The following MTDH variants were observed in gnomAD, a reference collection of about 807,000 sequenced individuals.
MTDH encodes metadherin.
A neutral mutation model predicts 72.7 loss-of-function variants in MTDH; 34 were observed. The ratio of observed to expected loss-of-function variants is 0.47; its 90% CI spans 0.36 to 0.62. The LOEUF (loss-of-function observed/expected upper bound fraction) is 0.62. MTDH is among the 20% of genes least tolerant of loss of function. The pLI is 0.00. For synonymous variants in MTDH, 266 were observed against 268.9 expected (o/e 0.99, Z 0.10); for missense variants, 677 against 699.4 (o/e 0.97, Z 0.36).
chr8:97,687,724 T>C (rs569322212), intron 4 of MTDH, 119 bp downstream of exon 4: 42 of 842,640 alleles, frequency 5.0e-5, no homozygotes, highest in East Asian at 3.7e-4. Flanking sequence ...TGTGCTGATA[T>C]ACCCTTCTTC....
In MTDH at chr8:97,705,296, C is replaced by CA. The variant is rs55913758; in HGVS notation, c.1148-1320dup. ...TGGGTGACAGAGTGAGACTCCATCT[C>CA]AAAAAAAAAAGAGAATTGAGCATTG... is the stretch of plus-strand genomic sequence containing the variant. On this transcript the variant is annotated intron_variant, in intron 7 of 11. Transcript: ENST00000336273. 6.9e-4 allele frequency among the ~76,000 whole-genome samples: 95 copies of CA among 136,784 alleles called. 1 individual carries two copies. The highest frequency in any genetic ancestry group is 8.3e-4 in the Admixed American group (11 of 13,276). 89.7% of individuals were successfully genotyped at this position (136,784 alleles called of 152,430 possible).
At chr8:97,707,515 G>A (rs994860593) in intron 8 of MTDH, among the ~76,000 whole-genome samples, 1 of 129,116 alleles carries the variant, frequency 7.7e-6, no homozygotes, top group East Asian at 2.3e-4. Context: ...TGACCCTCCT[G>A]CCTCAGCCTC....
At chr8:97,667,261 CA>C (rs1812431539) in intron 2 of MTDH, among the ~76,000 whole-genome samples, 1 of 152,134 alleles carries the variant, frequency 6.6e-6, no homozygotes, top group Non-Finnish European at 1.5e-5. Context: ...GCTGGGATCA[CA>C]GGCATCTCAT....
intron 2 of MTDH, among the ~76,000 whole-genome samples, chr8:97,678,714 C>A (rs1812954655): frequency 6.7e-6 from 1 of 148,302 alleles, no homozygotes; most frequent in Non-Finnish European, 1.5e-5. Flanking sequence ...TTCGGGATTA[C>A]AGGCATGAGC....
At chr8:97,692,405 C>T (rs1813646460) in intron 6 of MTDH, among the ~76,000 whole-genome samples, 2 of 152,018 alleles carry the variant, frequency 1.3e-5, no homozygotes, top group South Asian at 4.1e-4. Flanking sequence ...GAGTCTCACT[C>T]TGTCGCTGTC....
At position 97,679,194 on chromosome 8, in the gene MTDH, G is replaced by T. The variant is rs138025599; in HGVS notation, c.484-7474G>T. 7.7e-3 allele frequency among the ~76,000 whole-genome samples: 1,171 copies of T among 152,118 alleles called. 15 individuals carry two copies. The highest frequency in any genetic ancestry group is 0.026 in the African/African-American group (1,095 of 41,492). Reference sequence around the variant, plus strand: ...ATGGATAGAATAGCATTTACCTAGGGTTACTTTGAGAATTTAAATGGAACT... The same window carrying T: ...ATGGATAGAATAGCATTTACCTAGGTTTACTTTGAGAATTTAAATGGAACT... On this transcript the variant is annotated intron_variant, in intron 2 of 11. Transcript: ENST00000336273.
intron 9 of MTDH, among the ~76,000 whole-genome samples, chr8:97,715,748 C>T (rs1433277249): frequency 6.6e-6 from 1 of 152,124 alleles, no homozygotes; most frequent in African/African-American, 2.4e-5. Flanking sequence ...ATTTCTTTGA[C>T]TTTGAGTATT....
In MTDH at chr8:97,706,639, T is replaced by C; in HGVS notation, c.1161T>C (p.Ser387=). 6.2e-7 allele frequency: 1 copy of C among 1,610,846 alleles called. No homozygotes were observed. Among genetic ancestry groups the C allele is most frequent in the Non-Finnish European group, 8.5e-7 (1 of 1,178,756 alleles). The change falls in exon 8 of 12, where the codon TCT becomes TCC. Residue 387 remains serine (S), a synonymous_variant. Coordinates refer to ENST00000336273, the MANE Select transcript of MTDH (RefSeq NM_178812.4). ...DEWSGLNGLS[S]ADPNSDWNAP... The stretch of plus-strand genomic sequence containing the variant: ...GTTAAATTTTAGATGGTCTGTCTTC[T>C]GCTGATCCCAACTCTGATTGGAATG...
chr8:97,685,761 G>GA (rs1178320724), intron 2 of MTDH, among the ~76,000 whole-genome samples: 195 of 122,692 alleles, frequency 1.6e-3, no homozygotes, highest in Middle Eastern at 4.2e-3. Context: ...CTCCATCTCA[G>GA]AAAAAAAAAA....
chr8:97,656,578 G>T (rs1028697574), intron 1 of MTDH, among the ~76,000 whole-genome samples: 2 of 151,558 alleles, frequency 1.3e-5, no homozygotes, highest in African/African-American at 4.8e-5. Context: ...TGGGATTACA[G>T]GCGTGAGCCA....
At chr8:97,722,589 G>A (rs1265964913) in intron 10 of MTDH, among the ~76,000 whole-genome samples, 13 of 152,128 alleles carry the variant, frequency 8.5e-5, no homozygotes, top group Admixed American at 7.9e-4. Context: ...GCAACAGAGT[G>A]AGACTCCACC....
chr8:97,677,420 G>C (rs1319766108), intron 2 of MTDH, among the ~76,000 whole-genome samples: 1 of 151,368 alleles, frequency 6.6e-6, no homozygotes, highest in Non-Finnish European at 1.5e-5. Flanking sequence ...GAACCTGGGA[G>C]GCGGAGGTTG....
At chr8:97,720,006 G>C in intron 10 of MTDH, among the ~76,000 whole-genome samples, 1 of 144,500 alleles carries the variant, frequency 6.9e-6, no homozygotes, top group East Asian at 2.2e-4. Flanking sequence ...TAAATTCAGG[G>C]CTGGGTGTGG....
chr8:97,710,861 A>G (rs1180030477), intron 8 of MTDH, among the ~76,000 whole-genome samples: 1 of 151,968 alleles, frequency 6.6e-6, no homozygotes, highest in Non-Finnish European at 1.5e-5. Flanking sequence ...TTAGCCGGGC[A>G]TGGTGGTGCA....
At chr8:97,682,083 C>T (rs1296167947) in intron 2 of MTDH, among the ~76,000 whole-genome samples, 1 of 150,952 alleles carries the variant, frequency 6.6e-6, no homozygotes, top group African/African-American at 2.4e-5. Flanking sequence ...AAAGTCTTAG[C>T]TAAAGTGGAG....
intron 10 of MTDH, among the ~76,000 whole-genome samples, chr8:97,720,756 C>T (rs531964935): frequency 4.0e-5 from 6 of 150,224 alleles, no homozygotes; most frequent in South Asian, 2.1e-4. Flanking sequence ...TGGGTTCAGG[C>T]GATTTTCCTG....
intron 2 of MTDH, among the ~76,000 whole-genome samples, chr8:97,676,550 C>G (rs1240477248): frequency 2.0e-5 from 3 of 152,130 alleles, no homozygotes; most frequent in Non-Finnish European, 2.9e-5. Flanking sequence ...AGTGATACCA[C>G]TTATTGTTTG....
chr8:97,682,244 A>G (rs547261442), intron 2 of MTDH, among the ~76,000 whole-genome samples: 14 of 4,486 alleles, frequency 3.1e-3, no homozygotes, highest in African/African-American at 0.017. Flanking sequence ...ATATATATAT[A>G]TATATATATA....
chr8:97,654,974 C>T (rs955301512), intron 1 of MTDH, among the ~76,000 whole-genome samples: 7 of 152,064 alleles, frequency 4.6e-5, no homozygotes, highest in African/African-American at 1.7e-4. Flanking sequence ...TGCCTGTAGT[C>T]CCAGCTACTT....
Sources: gnomAD v4.1 joint callset for allele counts (sites outside exome capture counted in the v4.1 genomes callset) on GRCh38, gnomAD v4.1.1 for gene constraint, MANE v1.5 for transcripts, NCBI Gene and HGNC (gene_info 2026-07-23, HGNC 2026-07-21) for gene names.